AKAP6: variants seen among roughly 807,000 people sequenced by gnomAD.
AKAP6 encodes the protein A-kinase anchor protein 6.
In AKAP6, 58 loss-of-function variants were observed where a neutral mutation model predicts 188.5. The ratio of observed to expected loss-of-function variants is 0.31; its 90% CI spans 0.25 to 0.38. The LOEUF (loss-of-function observed/expected upper bound fraction) is 0.38, where lower values mean the gene tolerates loss of function less well. Among genes scored for constraint, AKAP6 ranks in the 10% least tolerant of loss-of-function variants. The probability of loss-of-function intolerance (pLI) is 1.00; values close to 1 mark genes in which losing one functional copy is unlikely to be tolerated. For missense variants in AKAP6, 2,710 were observed against 2,740.0 expected, an observed-to-expected ratio of 0.99 and a Z score of 0.24; for synonymous variants, 989 against 998.6, an observed-to-expected ratio of 0.99 and a Z score of 0.18.
At position 32,822,070 on chromosome 14, in the gene AKAP6, C is replaced by A; in HGVS notation, c.4257C>A (p.Ser1419Arg). 6.2e-7 allele frequency: 1 copy of A among 1,613,908 alleles called. No individual in the cohort carries two copies. The highest frequency in any genetic ancestry group is 2.2e-5 in the East Asian group (1 of 44,866). Residue 1419 changes from serine (S) to arginine (R), a missense_variant, in exon 13 of 14, where the codon AGC becomes AGA. By Grantham distance (110) the Ser-to-Arg change is moderately radical (BLOSUM62 -1). Around this residue, in one of 2 missense-constraint regions of AKAP6, gnomAD observed 2,473 missense variants for 2,426.1 expected, o/e 1.02. Transcript: ENST00000280979. The stretch of plus-strand genomic sequence containing the variant: ...AAAAATTTACAGATGAGGGGGAAAG[C>A]ATTAAGCTTCCAAATAGCTCTCAGT... ...LKQKFTDEGESIKLPNSSQSS... is the reference protein window; with the variant it reads ...LKQKFTDEGERIKLPNSSQSS...
At chr14:32,564,020 A>G (rs1340141115) in intron 4 of AKAP6, among the ~76,000 whole-genome samples, 3 of 152,168 alleles carry the variant, frequency 2.0e-5, no homozygotes, top group Non-Finnish European at 4.4e-5. Flanking sequence ...ATCAAAATCA[A>G]TGATGCTCAA....
intron 2 of AKAP6, among the ~76,000 whole-genome samples, chr14:32,454,067 A>G (rs959376832): frequency 1.3e-5 from 2 of 152,184 alleles, no homozygotes; most frequent in African/African-American, 2.4e-5. Flanking sequence ...TGAAGAAACC[A>G]TGAGTACGGA....
chr14:32,735,600 CGT>C (rs1346563622), intron 10 of AKAP6, 56 bp from the exon 11 acceptor site: 4 of 1,310,468 alleles, frequency 3.1e-6, no homozygotes, highest in Non-Finnish European at 4.2e-6. Context: ...TTTTGTTGTT[CGT>C]GGGGTTTTTT....
chr14:32,448,660 G>T (rs150296646), intron 2 of AKAP6, among the ~76,000 whole-genome samples: 26 of 152,236 alleles, frequency 1.7e-4, no homozygotes, highest in African/African-American at 4.8e-4. Context: ...ACTATAAACT[G>T]TCTTCTCAAG....
At chr14:32,521,957 A>G (rs981972623) in intron 2 of AKAP6, among the ~76,000 whole-genome samples, 18 of 152,332 alleles carry the variant, frequency 1.2e-4, no homozygotes, top group African/African-American at 3.8e-4. Flanking sequence ...GGCTACAGTA[A>G]CCAAAACAGC....
intron 11 of AKAP6, among the ~76,000 whole-genome samples, chr14:32,747,780 G>T (rs756617493): frequency 1.3e-5 from 2 of 152,218 alleles, no homozygotes; most frequent in Admixed American, 6.5e-5. Context: ...CAGTTTTCTA[G>T]AGTAAAAGAA....
intron 3 of AKAP6, among the ~76,000 whole-genome samples, chr14:32,544,827 C>G (rs1883118234): frequency 6.6e-6 from 1 of 152,050 alleles, no homozygotes; most frequent in Middle Eastern, 3.2e-3. Context: ...GGAATGATAG[C>G]AAAAAGCAAA....
At chr14:32,518,212 A>T (rs1881626172) in intron 2 of AKAP6, among the ~76,000 whole-genome samples, 1 of 152,224 alleles carries the variant, frequency 6.6e-6, no homozygotes, top group Non-Finnish European at 1.5e-5. Context: ...ATCAAAGACC[A>T]AAGGTAGACA....
At chr14:32,469,054 C>A (rs1878619573) in intron 2 of AKAP6, among the ~76,000 whole-genome samples, 1 of 152,108 alleles carries the variant, frequency 6.6e-6, no homozygotes, top group South Asian at 2.1e-4. Context: ...ATTTGCTGAT[C>A]CCTCGTCTGT....
intron 9 of AKAP6, among the ~76,000 whole-genome samples, chr14:32,716,534 A>T (rs2030212519): frequency 1.3e-5 from 2 of 149,782 alleles, no homozygotes; most frequent in African/African-American, 4.9e-5. Flanking sequence ...TATATACTAC[A>T]TATATACTAT....
At chr14:32,490,325 G>T (rs1005216626) in intron 2 of AKAP6, among the ~76,000 whole-genome samples, 59 of 152,208 alleles carry the variant, frequency 3.9e-4, no homozygotes, top group African/African-American at 1.3e-3. Context: ...ATGTTTATGA[G>T]GTTTGTCCGT....
At chr14:32,514,449 T>C (rs935870822) in intron 2 of AKAP6, among the ~76,000 whole-genome samples, 1 of 152,136 alleles carries the variant, frequency 6.6e-6, no homozygotes, top group Admixed American at 6.5e-5. Flanking sequence ...AAAAAGTACA[T>C]CTAAGAAAGA....
chr14:32,523,836 C>G (rs1337546136), intron 2 of AKAP6, among the ~76,000 whole-genome samples: 3 of 146,218 alleles, frequency 2.1e-5, no homozygotes, highest in Non-Finnish European at 4.5e-5. Flanking sequence ...ACTGTTTTGT[C>G]AAAGAAATTG....
intron 9 of AKAP6, among the ~76,000 whole-genome samples, chr14:32,700,803 G>A (rs1384528681): frequency 6.6e-6 from 1 of 152,120 alleles, no homozygotes; most frequent in African/African-American, 2.4e-5. Flanking sequence ...ATGAAACACT[G>A]CTTGAATGGA....
intron 1 of AKAP6, among the ~76,000 whole-genome samples, chr14:32,377,142 G>T (rs1193224751): frequency 1.3e-5 from 2 of 152,188 alleles, no homozygotes; most frequent in African/African-American, 2.4e-5. Flanking sequence ...AAGTGGTTCT[G>T]GTCTTGTCTT....
intron 7 of AKAP6, among the ~76,000 whole-genome samples, chr14:32,612,834 A>C (rs529499602): frequency 2.1e-4 from 32 of 152,278 alleles, no homozygotes; most frequent in African/African-American, 7.5e-4. Flanking sequence ...TGACCAGCAC[A>C]CTGGTTGATG....
At chr14:32,367,726 A>G (rs979048053) in intron 1 of AKAP6, among the ~76,000 whole-genome samples, 1 of 152,190 alleles carries the variant, frequency 6.6e-6, no homozygotes, top group African/African-American at 2.4e-5. Context: ...TGGAATGGGG[A>G]CAGGGATGAA....
chr14:32,422,919 G>A (rs964281253), intron 1 of AKAP6, among the ~76,000 whole-genome samples: 1 of 152,050 alleles, frequency 6.6e-6, no homozygotes, highest in Non-Finnish European at 1.5e-5. Context: ...GTAAAAATCA[G>A]GTTGGTTCTT....
chr14:32,343,585 A>G (rs1328387733), intron 1 of AKAP6, among the ~76,000 whole-genome samples: 1 of 151,658 alleles, frequency 6.6e-6, no homozygotes, highest in Non-Finnish European at 1.5e-5. Context: ...CATCTCTACT[A>G]AAAATACAAA....
Sources: gnomAD v4.1 joint callset for allele counts (sites outside exome capture counted in the v4.1 genomes callset) on GRCh38, gnomAD v4.1.1 for gene constraint, gnomAD v4.1.1 regional missense constraint, MANE v1.5 for transcripts, NCBI Gene and HGNC (gene_info 2026-07-23, HGNC 2026-07-21) for gene names.